Variants in AUTS2 observed in about 807,000 individuals in gnomAD.
AUTS2 encodes autism susceptibility gene 2 protein.
Under a neutral mutation model 112.4 loss-of-function variants are expected in AUTS2, and 17 were observed. The ratio of observed to expected loss-of-function variants is 0.15; its 90% CI spans 0.10 to 0.23. AUTS2 has a LOEUF of 0.23. Among genes scored for constraint, AUTS2 ranks in the 10% least tolerant of loss-of-function variants. The probability of loss-of-function intolerance (pLI) is 1.00; values close to 1 mark genes in which losing one functional copy is unlikely to be tolerated. For missense variants in AUTS2, 1,510 were observed against 1,701.6 expected, an observed-to-expected ratio of 0.89 and a Z score of 1.98; for synonymous variants, 751 against 702.7, an observed-to-expected ratio of 1.07 and a Z score of -1.09.
At chr7:69,891,532 G>A (rs1794518782) in intron 1 of AUTS2, among the ~76,000 whole-genome samples, 1 of 152,050 alleles carries the variant, frequency 6.6e-6, no homozygotes, top group Admixed American at 6.6e-5. Context: ...GGTGTACTTA[G>A]AACTTTTAAA....
intron 2 of AUTS2, among the ~76,000 whole-genome samples, chr7:69,979,189 A>C (rs932948319): frequency 1.3e-5 from 2 of 152,222 alleles, no homozygotes; most frequent in Admixed American, 6.5e-5. Context: ...TAAGCTAAGG[A>C]ACATAAGCTG....
At chr7:70,076,299 T>C (rs908716683) in intron 2 of AUTS2, among the ~76,000 whole-genome samples, 1 of 152,154 alleles carries the variant, frequency 6.6e-6, no homozygotes, top group African/African-American at 2.4e-5. Context: ...TAGTTTACAG[T>C]AAGTTCTCAC....
intron 4 of AUTS2, among the ~76,000 whole-genome samples, chr7:70,267,632 T>C (rs1343878128): frequency 1.3e-5 from 2 of 152,198 alleles, no homozygotes; most frequent in South Asian, 2.1e-4. Flanking sequence ...GTGACAGTTA[T>C]GAATGATCCT....
chr7:70,642,160 C>T (rs1340299753), intron 5 of AUTS2, among the ~76,000 whole-genome samples: 2 of 152,140 alleles, frequency 1.3e-5, no homozygotes, highest in Non-Finnish European at 2.9e-5. Flanking sequence ...AAGGAGTTGA[C>T]CATTTTTCTG....
chr7:70,554,057 A>G (rs1246853179), intron 5 of AUTS2, among the ~76,000 whole-genome samples: 1 of 136,134 alleles, frequency 7.3e-6, no homozygotes, highest in Non-Finnish European at 1.5e-5. Flanking sequence ...GGCATGAGCC[A>G]CTGCACCTGG....
At chr7:70,064,700 C>T in intron 2 of AUTS2, among the ~76,000 whole-genome samples, 1 of 152,078 alleles carries the variant, frequency 6.6e-6, no homozygotes, top group Non-Finnish European at 1.5e-5. Flanking sequence ...AGATAAGACA[C>T]CTCCCAAAAT....
At chr7:69,713,623 G>T (rs941598787) in intron 1 of AUTS2, among the ~76,000 whole-genome samples, 3 of 151,828 alleles carry the variant, frequency 2.0e-5, no homozygotes, top group Non-Finnish European at 4.4e-5. Context: ...ACCATGCCTG[G>T]CTCATTATTG....
rs1021600712 is a variant in AUTS2 at position 70,000,085 on chromosome 7, G to C, written c.522+100587G>C. ...TGCAGGTGAAAGTGCACACAAACAT[G>C]CAAGATTCACATTGTGCTCAAAGTG... On this transcript the variant is annotated intron_variant, in intron 2 of 18. Coordinates refer to ENST00000342771, the MANE Select transcript of AUTS2 (RefSeq NM_015570.4). 4.6e-5 allele frequency among the ~76,000 whole-genome samples: 7 copies of C among 152,314 alleles called. No individual in the cohort carries two copies. In the East Asian group the frequency reaches 1.4e-3, roughly 29 times the overall value.
intron 5 of AUTS2, among the ~76,000 whole-genome samples, chr7:70,545,991 A>G (rs761472385): frequency 1.8e-4 from 27 of 152,368 alleles, no homozygotes; most frequent in Admixed American, 8.5e-4. Flanking sequence ...GAAATTTCCC[A>G]TAACAATAAG....
intron 4 of AUTS2, among the ~76,000 whole-genome samples, chr7:70,299,531 GA>G (rs1789106093): frequency 6.6e-6 from 1 of 152,212 alleles, no homozygotes; most frequent in African/African-American, 2.4e-5. Flanking sequence ...ATAGGTGCTT[GA>G]AAATGAGCGT....
At chr7:69,947,667 C>T (rs1796870195) in intron 2 of AUTS2, among the ~76,000 whole-genome samples, 1 of 152,080 alleles carries the variant, frequency 6.6e-6, no homozygotes, top group Non-Finnish European at 1.5e-5. Context: ...AAGTTAAAAT[C>T]AAAACTTTCG....
chr7:70,790,750 C>G lies in AUTS2; in HGVS notation c.3534C>G (p.His1178Gln). The change falls in exon 19 of 19, where the codon CAC becomes CAG. Residue 1178 changes from histidine to glutamine, a missense_variant. Transcript: ENST00000342771. The surrounding 1 kb of genome is among the most constrained non-coding windows in gnomAD (Gnocchi z 7.6). ...TGCACCCCGCCTCCCTCGACGGACA[C>G]CTCCCCCACCCCAGCCTCATCACCC... is the stretch of plus-strand genomic sequence containing the variant. Reference protein sequence around the residue: ...HSVHPASLDGHLPHPSLITPG... With the variant: ...HSVHPASLDGQLPHPSLITPG... 6.2e-7 allele frequency: 1 copy of G among 1,613,416 alleles called. No homozygotes were observed. Among genetic ancestry groups the G allele is most frequent in the East Asian group, 2.2e-5 (1 of 44,850 alleles).
chr7:70,752,279 G>T (rs1199278350), intron 6 of AUTS2, among the ~76,000 whole-genome samples: 1 of 152,080 alleles, frequency 6.6e-6, no homozygotes. Flanking sequence ...AAAAAGTGGG[G>T]CCGTGTCTTT....
chr7:70,545,492 C>A (rs1800734703), intron 5 of AUTS2, among the ~76,000 whole-genome samples: 1 of 152,224 alleles, frequency 6.6e-6, no homozygotes, highest in East Asian at 1.9e-4. Context: ...AATGACTTCA[C>A]CCACCTGCTT....
At chr7:69,827,614 G>A (rs1035946372) in intron 1 of AUTS2, among the ~76,000 whole-genome samples, 1 of 152,170 alleles carries the variant, frequency 6.6e-6, no homozygotes, top group African/African-American at 2.4e-5. Flanking sequence ...GGGAGGTGGA[G>A]AAAAGCACTC....
At chr7:69,719,263 C>T (rs1562834172) in intron 1 of AUTS2, among the ~76,000 whole-genome samples, 1 of 152,046 alleles carries the variant, frequency 6.6e-6, no homozygotes, top group African/African-American at 2.4e-5. Context: ...TTTTTAAAGA[C>T]AGTTCTCATA....
At chr7:69,694,519 C>G (rs1021844010) in intron 1 of AUTS2, among the ~76,000 whole-genome samples, 1 of 152,124 alleles carries the variant, frequency 6.6e-6, no homozygotes, top group African/African-American at 2.4e-5. Flanking sequence ...TGGCTCACAC[C>G]TGTAATCCCA....
intron 4 of AUTS2, among the ~76,000 whole-genome samples, chr7:70,149,364 A>T (rs1477302459): frequency 2.0e-5 from 3 of 152,066 alleles, no homozygotes; most frequent in African/African-American, 7.2e-5. Context: ...CTTTTCCTTG[A>T]AAAATGGCAG....
intron 5 of AUTS2, among the ~76,000 whole-genome samples, chr7:70,614,941 G>A (rs1442263017): frequency 2.0e-5 from 3 of 152,200 alleles, no homozygotes; most frequent in African/African-American, 4.8e-5. Context: ...GATCACACAC[G>A]CATTGTTCTC....
Sources: gnomAD v4.1 joint callset for allele counts (sites outside exome capture counted in the v4.1 genomes callset) on GRCh38, gnomAD v4.1.1 for gene constraint, Gnocchi (gnomAD v3.1) non-coding constraint, MANE v1.5 for transcripts, NCBI Gene and HGNC (gene_info 2026-07-23, HGNC 2026-07-21) for gene names.